Variants in SENP2 observed in about 807,000 individuals in gnomAD.
SENP2 encodes the protein SUMO specific peptidase 2, also known as sentrin-specific protease 2.
SENP2 carries 16 observed loss-of-function variants against 86.3 expected under a neutral mutation model. That is an observed-to-expected ratio of 0.19 (90% CI 0.13 to 0.28). The LOEUF (loss-of-function observed/expected upper bound fraction) is 0.28, where lower values mean the gene tolerates loss of function less well. Among genes scored for constraint, SENP2 ranks in the 10% least tolerant of loss-of-function variants. The probability of loss-of-function intolerance (pLI) is 1.00; values close to 1 mark genes in which losing one functional copy is unlikely to be tolerated. For missense variants in SENP2, 552 were observed against 703.0 expected (o/e 0.79, Z 2.43); for synonymous variants, 222 against 238.7 (o/e 0.93, Z 0.64).
In SENP2 at chr3:185,599,003, T is replaced by C. The variant is rs769695933; in HGVS notation, c.337T>C (p.Trp113Arg). Reference sequence around the variant, plus strand: ...TTGTGAACTGACAGGTTCTGGATCCTGGAACAACATGCTGAAACTGGGTGA... The same window carrying C: ...TTGTGAACTGACAGGTTCTGGATCCCGGAACAACATGCTGAAACTGGGTGA... ...SSCELTGSGS[W>R]NNMLKLGNKS... Residue 113 changes from tryptophan (W) to arginine (R), a missense_variant, in exon 4 of 17, where the codon TGG becomes CGG. Physicochemically the swap from Trp to Arg is moderately radical, Grantham distance 101. This residue lies in a region of SENP2 where 383 missense variants were observed against 427.3 expected (regional missense o/e 0.90). Transcript: ENST00000296257. 5 of 1,612,630 alleles carry C rather than the reference T, an allele frequency of 3.1e-6. No homozygotes were observed. Among genetic ancestry groups the C allele is most frequent in the Non-Finnish European group, 4.2e-6 (5 of 1,179,458 alleles).
At chr3:185,617,639 C>A (rs1441032908) in intron 12 of SENP2, 28 bp downstream of exon 12, 1 of 1,602,852 alleles carries the variant, frequency 6.2e-7, no homozygotes, top group Non-Finnish European at 8.5e-7. Context: ...CCCCTTTTGG[C>A]TATCATTAAG....
chr3:185,620,316 G>T (rs1427014162), intron 13 of SENP2, among the ~76,000 whole-genome samples: 1 of 152,122 alleles, frequency 6.6e-6, no homozygotes, highest in Non-Finnish European at 1.5e-5. Context: ...GCTTTAAGCA[G>T]TCCTCCCACC....
chr3:185,608,603 G>A (rs13072759), intron 6 of SENP2, among the ~76,000 whole-genome samples: 57,844 of 151,996 alleles, frequency 0.38, 11,226 homozygotes, highest in South Asian at 0.56. Context: ...TCTTTAACCT[G>A]TTGGTGTTAT....
At chr3:185,612,754 ACT>A in intron 9 of SENP2, 96 bp downstream of exon 9, 1 of 886,604 alleles carries the variant, frequency 1.1e-6, no homozygotes, top group South Asian at 1.6e-5. Flanking sequence ...GGAATTGTGA[ACT>A]CTCTTGAGTT....
At chr3:185,623,826 C>CAAAA (rs63707460) in intron 14 of SENP2, among the ~76,000 whole-genome samples, 172 bp from the exon 15 acceptor site, 1,295 of 47,768 alleles carry the variant, frequency 0.027, 153 homozygotes, top group African/African-American at 0.093. Context: ...GACTCTGTCT[C>CAAAA]AAAAAAAAAA....
At chr3:185,592,007 A>ATTTT (rs1261238822) in intron 2 of SENP2, among the ~76,000 whole-genome samples, 19 of 35,092 alleles carry the variant, frequency 5.4e-4, no homozygotes, top group South Asian at 8.2e-4. Context: ...AACCGGTAAT[A>ATTTT]TTTCTTTTTT....
intron 4 of SENP2, 46 bp downstream of exon 4, chr3:185,599,070 C>A (rs2148983682): frequency 7.4e-7 from 1 of 1,344,334 alleles, no homozygotes; most frequent in Non-Finnish European, 1.1e-6. Flanking sequence ...CTCCTTCTGC[C>A]CATTTTTTTC....
intron 11 of SENP2, 34 bp from the exon 12 acceptor site, chr3:185,617,446 A>T (rs1161670044): frequency 3.8e-6 from 6 of 1,574,454 alleles, no homozygotes; most frequent in Non-Finnish European, 4.3e-6. Context: ...ATGGTTCTAT[A>T]TTAAAATAGC....
At position 185,609,305 on chromosome 3, in the gene SENP2, G is replaced by A; in HGVS notation, c.677G>A (p.Ser226Asn). ...AAGTTATTGGAACGACTTAAAGAAAGTGGTCATGGAAACTCTGTCTGTCCT... is the reference window on the plus strand; with the variant it reads ...AAGTTATTGGAACGACTTAAAGAAAATGGTCATGGAAACTCTGTCTGTCCT... ...YRKLLERLKE[S>N]GHGNSVCPVT... Residue 226 changes from serine to asparagine, a missense_variant, in exon 7 of 17, where the codon AGT (serine) becomes AAT (asparagine). Ser to Asn is a conservative substitution (Grantham distance 46). Around this residue, in one of 2 missense-constraint regions of SENP2, gnomAD observed 383 missense variants for 427.3 expected, o/e 0.90. Coordinates refer to ENST00000296257, the MANE Select transcript of SENP2 (RefSeq NM_021627.3). 1.2e-6 allele frequency: 2 copies of A among 1,613,896 alleles called. No homozygotes were observed. The highest frequency in any genetic ancestry group is 1.7e-6 in the Non-Finnish European group (2 of 1,179,876).
chr3:185,606,242 A>T, intron 5 of SENP2, 88 bp from the exon 6 acceptor site: 1 of 1,264,606 alleles, frequency 7.9e-7, no homozygotes, highest in South Asian at 1.6e-5. Context: ...ACCTAAAGCA[A>T]CTTAATCACA....
intron 5 of SENP2, among the ~76,000 whole-genome samples, chr3:185,604,105 A>G (rs536604437): frequency 4.6e-5 from 7 of 152,360 alleles, no homozygotes; most frequent in Admixed American, 1.3e-4. Context: ...TGGGCGACAC[A>G]GTGAGACACC....
intron 2 of SENP2, among the ~76,000 whole-genome samples, chr3:185,590,754 G>A (rs1448284671): frequency 1.4e-5 from 2 of 145,694 alleles, no homozygotes; most frequent in Non-Finnish European, 3.0e-5. Context: ...ACAGCTACTC[G>A]GGAGGCTGAG....
At chr3:185,608,893 A>G (rs1013498874) in intron 6 of SENP2, 82 of 164,670 alleles carry the variant, frequency 5.0e-4, no homozygotes, top group African/African-American at 1.9e-3. Flanking sequence ...GAAACTGTAT[A>G]TTCTCGTTAT....
intron 15 of SENP2, 44 bp downstream of exon 15, chr3:185,624,126 CTAA>C (rs1233658769): frequency 7.3e-7 from 1 of 1,367,960 alleles, no homozygotes; most frequent in Non-Finnish European, 1.0e-6. Flanking sequence ...GTTGCATTTA[CTAA>C]TAGTATATTA....
chr3:185,588,581 A>C (rs1408167492), intron 1 of SENP2, among the ~76,000 whole-genome samples: 1 of 152,202 alleles, frequency 6.6e-6, no homozygotes, highest in Non-Finnish European at 1.5e-5. Flanking sequence ...GATGTCTAAT[A>C]CATTAGTCTG....
Position 185,611,097 on chromosome 3 carries a change from G to A in SENP2, c.723-554G>A, listed in dbSNP as rs532107102. Among the ~76,000 whole-genome samples the A allele has an allele frequency of 7.2e-5, 11 of 152,204 alleles. No individual in the cohort carries two copies. The South Asian group carries it at 2.1e-3, about 29-fold the overall frequency. On this transcript the variant is annotated intron_variant, in intron 7 of 16. Coordinates refer to ENST00000296257, the MANE Select transcript of SENP2 (RefSeq NM_021627.3). ...TCGAGACCAGCCTGACCAACATGGC[G>A]AAACCCCATGTCTACTAAAAATACA...
chr3:185,617,721 T>G, intron 12 of SENP2, 110 bp downstream of exon 12: 1 of 872,464 alleles, frequency 1.1e-6, no homozygotes, highest in African/African-American at 1.7e-5. Context: ...CAACTCTTAG[T>G]TATAATTAAA....
chr3:185,631,764 C>G lies in SENP2; in HGVS notation c.*1920C>G, dbSNP rs1219899394. On this transcript the variant is annotated 3_prime_UTR_variant, in exon 17 of 17. Transcript: ENST00000296257. ...TTTCACCAGGCATCAGTGTGCTTCA[C>G]TTGAGAGTTTGGTACCATGGTTAAG... The G allele has an allele frequency of 6.8e-6, 1 of 147,656 alleles. No homozygotes were observed. Among genetic ancestry groups the G allele is most frequent in the East Asian group, 2.0e-4 (1 of 4,988 alleles). 9.1% of individuals were successfully genotyped at this position (147,656 alleles called of 1,614,324 possible).
intron 7 of SENP2, 114 bp downstream of exon 7, chr3:185,609,464 T>G: frequency 2.9e-6 from 2 of 693,516 alleles, no homozygotes; most frequent in Admixed American, 2.7e-5. Flanking sequence ...CTGAGAGAAC[T>G]AGCTCTGTCA....
Sources: gnomAD v4.1 joint callset for allele counts (sites outside exome capture counted in the v4.1 genomes callset) on GRCh38, gnomAD v4.1.1 for gene constraint, gnomAD v4.1.1 regional missense constraint, MANE v1.5 for transcripts, NCBI Gene and HGNC (gene_info 2026-07-23, HGNC 2026-07-21) for gene names.